The following SERGEF variants were observed in gnomAD, a reference collection of about 807,000 sequenced individuals.
The protein encoded by SERGEF is secretion regulating guanine nucleotide exchange factor, also known as secretion-regulating guanine nucleotide exchange factor.
SERGEF carries 51 observed loss-of-function variants against 50.0 expected under a neutral mutation model. The ratio of observed to expected loss-of-function variants is 1.02; its 90% CI spans 0.81 to 1.29. The LOEUF (loss-of-function observed/expected upper bound fraction) is 1.29. SERGEF is among the 50% of genes most tolerant of loss of function. The pLI is 0.00. For missense variants in SERGEF, 521 were observed against 557.0 expected (o/e 0.94, Z 0.65); for synonymous variants, 205 against 212.4 (o/e 0.97, Z 0.30).
chr11:17,796,141 T>A (rs1279605044), intron 10 of SERGEF, among the ~76,000 whole-genome samples: 1 of 152,174 alleles, frequency 6.6e-6, no homozygotes, highest in Non-Finnish European at 1.5e-5. Context: ...TTCAAATATT[T>A]TAAAAAGCAG....
intron 8 of SERGEF, among the ~76,000 whole-genome samples, chr11:17,980,774 T>C (rs1056689976): frequency 5.3e-5 from 8 of 152,366 alleles, no homozygotes; most frequent in African/African-American, 1.9e-4. Context: ...TTTGTTTCCA[T>C]ACCTTTGTTT....
At chr11:17,983,455 T>C (rs1000196335) in intron 8 of SERGEF, among the ~76,000 whole-genome samples, 1 of 152,158 alleles carries the variant, frequency 6.6e-6, no homozygotes, top group African/African-American at 2.4e-5. Context: ...AAAAGAGTAG[T>C]GGGAGCTAAT....
intron 9 of SERGEF, among the ~76,000 whole-genome samples, chr11:17,899,281 A>G (rs1359724432): frequency 6.6e-6 from 1 of 152,186 alleles, no homozygotes; most frequent in African/African-American, 2.4e-5. Flanking sequence ...TCCTACTCTA[A>G]AAAATGACTT....
At chr11:17,853,407 G>C (rs1850749280) in intron 10 of SERGEF, 1 of 152,194 alleles carries the variant, frequency 6.6e-6, no homozygotes, top group Non-Finnish European at 1.5e-5. Flanking sequence ...CTGTAGACCT[G>C]TTAAGACGAG....
chr11:18,009,993 A>C (rs1464910871), intron 1 of SERGEF: 1 of 551,896 alleles, frequency 1.8e-6, no homozygotes, highest in African/African-American at 2.0e-5. Flanking sequence ...TTGTATTCAG[A>C]ATTGAAGACA....
At chr11:17,980,888 T>A (rs574813750) in intron 8 of SERGEF, among the ~76,000 whole-genome samples, 1 of 152,360 alleles carries the variant, frequency 6.6e-6, no homozygotes, top group African/African-American at 2.4e-5. Flanking sequence ...GGATAGAATT[T>A]CAGAGCTGGA....
At chr11:17,825,271 T>C (rs568857012) in intron 10 of SERGEF, among the ~76,000 whole-genome samples, 83 of 152,312 alleles carry the variant, frequency 5.4e-4, no homozygotes, top group African/African-American at 2.0e-3. Flanking sequence ...TGAAAGGGTA[T>C]TCCTATAATA....
chr11:17,901,785 T>C (rs966452093), intron 9 of SERGEF, among the ~76,000 whole-genome samples: 1 of 152,240 alleles, frequency 6.6e-6, no homozygotes, highest in Admixed American at 6.5e-5. Context: ...TTTTCTTCCA[T>C]GACAGCTGTT....
intron 3 of SERGEF, among the ~76,000 whole-genome samples, chr11:18,006,333 G>A (rs1427064241): frequency 1.3e-5 from 2 of 152,014 alleles, no homozygotes; most frequent in African/African-American, 4.8e-5. Context: ...GGGGTACCAC[G>A]CCTGGCTAAT....
intron 10 of SERGEF, among the ~76,000 whole-genome samples, chr11:17,811,981 C>T (rs1218703148): frequency 6.6e-6 from 1 of 152,198 alleles, no homozygotes; most frequent in Non-Finnish European, 1.5e-5. Context: ...GTGAATGAAA[C>T]TAGCATCCCA....
intron 10 of SERGEF, among the ~76,000 whole-genome samples, chr11:17,857,702 T>C (rs1192223435): frequency 6.6e-6 from 1 of 152,194 alleles, no homozygotes; most frequent in Non-Finnish European, 1.5e-5. Context: ...TTTGAGTGGC[T>C]TCCCTTCTGT....
intron 9 of SERGEF, among the ~76,000 whole-genome samples, chr11:17,945,421 G>A (rs1423699025): frequency 6.6e-6 from 1 of 152,142 alleles, no homozygotes; most frequent in Admixed American, 6.5e-5. Context: ...AGCCACATGT[G>A]GCTACTGAAA....
At chr11:17,968,284 A>T (rs1853170047) in intron 8 of SERGEF, among the ~76,000 whole-genome samples, 1 of 152,236 alleles carries the variant, frequency 6.6e-6, no homozygotes, top group Non-Finnish European at 1.5e-5. Flanking sequence ...TAAGGAAAAC[A>T]AATAATTTTC....
rs191847804 is a variant in SERGEF, at chr11:17,986,694, C to T, written c.844+1903G>A. ...AGTTAAAGGGTTTACTGACAGACAA[C>T]CAAATTCACCACCATTTGGTAGTAA... On this transcript the variant is annotated intron_variant, in intron 8 of 10. Transcript: ENST00000265965. Among the ~76,000 whole-genome samples the T allele has an allele frequency of 3.4e-3, 523 of 152,348 alleles. 3 individuals carry two copies. The highest frequency in any genetic ancestry group is 0.01 in the Middle Eastern group (3 of 294).
At chr11:17,867,399 T>A (rs1851049783) in intron 10 of SERGEF, among the ~76,000 whole-genome samples, 3 of 152,276 alleles carry the variant, frequency 2.0e-5, no homozygotes. Flanking sequence ...ATTGCCTCCA[T>A]GTCTCACAGC....
intron 9 of SERGEF, among the ~76,000 whole-genome samples, chr11:17,908,442 G>C (rs746360855): frequency 6.6e-6 from 1 of 152,074 alleles, no homozygotes; most frequent in Non-Finnish European, 1.5e-5. Flanking sequence ...TTAGGAGTCA[G>C]TTCAGACATG....
At chr11:18,003,819 A>C (rs1424070247) in intron 4 of SERGEF, among the ~76,000 whole-genome samples, 3 of 152,232 alleles carry the variant, frequency 2.0e-5, no homozygotes, top group African/African-American at 7.2e-5. Flanking sequence ...GGAAGGGAGA[A>C]TAGGAATTGA....
At chr11:17,794,876 TG>T (rs748347358) in intron 10 of SERGEF, among the ~76,000 whole-genome samples, 72 of 152,246 alleles carry the variant, frequency 4.7e-4, no homozygotes, top group Non-Finnish European at 7.8e-4. Context: ...CAGGAAGTAA[TG>T]GAAGGCAAGA....
chr11:17,807,206 G>A (rs1849775117), intron 10 of SERGEF, among the ~76,000 whole-genome samples: 1 of 152,114 alleles, frequency 6.6e-6, no homozygotes, highest in South Asian at 2.1e-4. Flanking sequence ...AGGGTTGCCT[G>A]GAATGTCCGG....
Sources: allele counts gnomAD v4.1 joint callset (sites outside exome capture counted in the v4.1 genomes callset), GRCh38; gene constraint gnomAD v4.1.1; transcripts MANE v1.5; gene names NCBI Gene and HGNC (gene_info 2026-07-23, HGNC 2026-07-21).